IGSF22: variants seen among roughly 807,000 people sequenced by gnomAD.
IGSF22 encodes the protein immunoglobulin superfamily, member 22.
IGSF22 carries 119 observed loss-of-function variants against 127.0 expected under a neutral mutation model. The observed-to-expected ratio is 0.94, with a 90% CI of 0.81 to 1.09. The LOEUF is 1.09. Ranked by LOEUF, IGSF22 falls within the 50% of genes least tolerant of loss-of-function variation. IGSF22 has a pLI of 0.00. For missense variants in IGSF22, 1,518 were observed against 1,716.6 expected (o/e 0.88, Z 2.04); for synonymous variants, 568 against 664.7 (o/e 0.85, Z 2.24).
intron 11 of IGSF22, 118 bp downstream of exon 11, chr11:18,715,314 G>T: frequency 1.0e-6 from 1 of 990,412 alleles, no homozygotes; most frequent in Non-Finnish European, 1.5e-6. Flanking sequence ...GGAGACACAA[G>T]TTGGTCATGG....
chr11:18,718,485 C>A, intron 8 of IGSF22, 130 bp downstream of exon 8: 1 of 718,800 alleles, frequency 1.4e-6, no homozygotes, highest in South Asian at 1.5e-5. Flanking sequence ...CCAATTCCAG[C>A]CTCTTTCAAC....
rs551037930 is a variant in IGSF22 at position 18,705,743 on chromosome 11, T to C, written c.3910+74A>G. On this transcript the variant is annotated intron_variant, in intron 22 of 22. Coordinates refer to ENST00000513874, the MANE Select transcript of IGSF22 (RefSeq NM_173588.4). ...TTAAAAAACGGTGCCAGCCAAATAG[T>C]TGACCAATGGCCCACAAGACCAGCC... 1.6e-5 allele frequency: 21 copies of C among 1,343,108 alleles called. 1 individual carries two copies. Among genetic ancestry groups the C allele is most frequent in the Middle Eastern group, 2.6e-4 (1 of 3,812 alleles). The allele number at this position is 1,343,108 out of a possible 1,614,324, so 83.2% of individuals were successfully genotyped here. A position where few individuals can be genotyped will look rare whatever the true frequency, so the allele number is the denominator to read the frequency against.
rs1233213620 is a variant in IGSF22 at position 18,705,919 on chromosome 11, G to A, written c.3808C>T (p.Leu1270Phe). ...TTGAGCGTGCAGGTGGGGATGACGA[G>A]GGTGCACACGCCGCTGGTGGAGTTG... Reference protein sequence around the residue: ...WYNSTSGVCTLVIPTCTLKDS... With the variant: ...WYNSTSGVCTFVIPTCTLKDS... The change falls in exon 22 of 23, where the codon CTC (leucine) becomes TTC (phenylalanine). Residue 1270 changes from leucine (L) to phenylalanine (F), a missense_variant. Around this residue, in one of 3 missense-constraint regions of IGSF22, gnomAD observed 1,456 missense variants for 1,644.9 expected, o/e 0.89. Coordinates refer to ENST00000513874, the MANE Select transcript of IGSF22 (RefSeq NM_173588.4). 4 of 1,551,732 alleles carry A rather than the reference G, an allele frequency of 2.6e-6. No homozygotes were observed. Among genetic ancestry groups the A allele is most frequent in the Non-Finnish European group, 2.6e-6 (3 of 1,147,000 alleles).
chr11:18,717,028 A>C (rs61886892), intron 9 of IGSF22, 28 bp from the exon 10 acceptor site: 406,673 of 1,609,248 alleles, frequency 0.25, 53,958 homozygotes, highest in Middle Eastern at 0.38. Flanking sequence ...AGTGGTAGTC[A>C]TTGGGCTGGT....
intron 21 of IGSF22, 127 bp downstream of exon 21, chr11:18,706,787 A>G: frequency 2.7e-6 from 2 of 738,832 alleles, no homozygotes; most frequent in Admixed American, 3.5e-5. Context: ...AGCGTCCCAG[A>G]TATTAACCGT....
In IGSF22 at chr11:18,706,134, C is replaced by A; in HGVS notation, c.3593G>T (p.Ser1198Ile). The A allele has an allele frequency of 6.5e-7, 1 of 1,541,550 alleles. No individual in the cohort carries two copies. Among genetic ancestry groups the A allele is most frequent in the Non-Finnish European group, 8.7e-7 (1 of 1,146,490 alleles). Residue 1198 changes from serine to isoleucine, a missense_variant, in exon 22 of 23, where the codon AGC becomes ATC. Transcript: ENST00000513874. ...CTTCTCGTAGGGCTTGAGCTTGGCGCTCAGGTCCTGGACTGCGCGGGCGGG... is the reference window on the plus strand; with the variant it reads ...CTTCTCGTAGGGCTTGAGCTTGGCGATCAGGTCCTGGACTGCGCGGGCGGG... ...LINKDQIQDL[S>I]AKLKPYEKKD...
chr11:18,707,734 G>A lies in IGSF22; in HGVS notation c.3280+70C>T, dbSNP rs551837977. 1.5e-4 allele frequency: 197 copies of A among 1,321,356 alleles called. 2 individuals are homozygous for A. In the South Asian group the frequency reaches 2.3e-3, roughly 15 times the overall value. The allele number at this position is 1,321,356 out of a possible 1,614,324, so 81.9% of individuals were successfully genotyped here. A position where few individuals can be genotyped will look rare whatever the true frequency, so the allele number is the denominator to read the frequency against. ...ACTTTCCTGTGGTAGGAACTCAAGC[G>A]GCACTGGGGAGCTGTGCTTTGGAGA... On this transcript the variant is annotated intron_variant, in intron 20 of 22. Transcript: ENST00000513874.
chr11:18,724,362 G>C (rs983003703), intron 1 of IGSF22, 93 bp from the exon 2 acceptor site: 1 of 652,696 alleles, frequency 1.5e-6, no homozygotes, highest in South Asian at 1.9e-5. Flanking sequence ...AGAGGAGATG[G>C]AAGCACACAG....
intron 9 of IGSF22, 58 bp downstream of exon 9, chr11:18,717,873 A>G: frequency 8.2e-6 from 13 of 1,576,034 alleles, no homozygotes; most frequent in Non-Finnish European, 1.1e-5. Context: ...AACCCTGGCC[A>G]TTCCTCTCTT....
rs1564870498 is a variant in IGSF22 at position 18,712,215 on chromosome 11, G to A, written c.2265C>T (p.Asp755=). ...TGGTGGAGAAGTTGGTGACTTTGCC[G>A]TCCACCTCGCCTATCTTAATCCAGG... The part of the protein sequence containing the change: ...KKSWIKIGEV[D]GKVTNFSTNK... The change falls in exon 15 of 23, where the codon GAC becomes GAT. Residue 755 remains aspartate (D), a synonymous_variant. Coordinates refer to ENST00000513874, the MANE Select transcript of IGSF22 (RefSeq NM_173588.4). The A allele has an allele frequency of 1.4e-5, 21 of 1,551,670 alleles. No individual in the cohort carries two copies. Among genetic ancestry groups the A allele is most frequent in the Non-Finnish European group, 1.6e-5 (18 of 1,146,984 alleles).
Position 18,714,141 on chromosome 11 carries a change from A to T in IGSF22, c.1806T>A (p.Pro602=). The T allele has an allele frequency of 6.2e-7, 1 of 1,610,046 alleles. No homozygotes were observed. Residue 602 remains proline, a synonymous_variant, in exon 14 of 23, where the codon CCT becomes CCA. Coordinates refer to ENST00000513874, the MANE Select transcript of IGSF22 (RefSeq NM_173588.4). ...CCTCCAGTACTGACGGGTCGATGGT[A>T]GGAGGATCTGTGGGGCGGGGCGGCA... is the stretch of plus-strand genomic sequence containing the variant. ...SEASVFIADP[P]TIDPSVLEAL... is the part of the protein sequence containing the mutation.
chr11:18,710,697 C>CT lies in IGSF22; in HGVS notation c.2529dup (p.Gly844ArgfsTer30), dbSNP rs1564869701. On this transcript the variant is annotated frameshift_variant, in exon 16 of 23. Coordinates refer to ENST00000513874, the MANE Select transcript of IGSF22 (RefSeq NM_173588.4). LOFTEE classifies it high-confidence loss of function. ...TTGACTGGCACCCACAGGTTGCTGC[C>CT]TTTCTTCCTTCGTTCTACAATGTAG... The CT allele has an allele frequency of 6.2e-7, 1 of 1,613,986 alleles. No individual in the cohort carries two copies. The highest frequency in any genetic ancestry group is 1.1e-5 in the South Asian group (1 of 91,082).
intron 2 of IGSF22, 113 bp downstream of exon 2, chr11:18,724,015 A>G (rs867837356): frequency 8.6e-5 from 62 of 723,818 alleles, no homozygotes; most frequent in Middle Eastern, 4.0e-4. Context: ...TGCTGTTGGT[A>G]TTGTGGGCTC....
At chr11:18,706,459 G>T in intron 21 of IGSF22, 1 of 447,328 alleles carries the variant, frequency 2.2e-6, no homozygotes. Flanking sequence ...CTTTAACTCC[G>T]CCTCCAAGCT....
chr11:18,705,763 C>A (rs1185854242), intron 22 of IGSF22, 54 bp downstream of exon 22: 11 of 1,458,406 alleles, frequency 7.5e-6, no homozygotes, highest in Non-Finnish European at 9.2e-6. Context: ...GCCCACAAGA[C>A]CAGCCTTTTG....
intron 2 of IGSF22, among the ~76,000 whole-genome samples, chr11:18,723,452 C>G (rs1019358657): frequency 6.6e-6 from 1 of 152,314 alleles, no homozygotes; most frequent in East Asian, 1.9e-4. Flanking sequence ...CCTCTGTGCA[C>G]GGAGGACTTT....
Position 18,719,809 on chromosome 11 carries a change from T to G in IGSF22, c.603A>C (p.Lys201Asn), listed in dbSNP as rs763225927. 6.2e-7 allele frequency: 1 copy of G among 1,614,176 alleles called. No homozygotes were observed. Among genetic ancestry groups the G allele is most frequent in the Non-Finnish European group, 8.5e-7 (1 of 1,180,028 alleles). Reference protein sequence around the residue: ...MLEILSKVPKKDFEKVCMEYG... With the variant: ...MLEILSKVPKNDFEKVCMEYG... ...ACTCCATGCACACCTTCTCAAAGTC[T>G]TTCTTGGGCACTTTGGACAAAATCT... The change falls in exon 7 of 23, where the codon AAA becomes AAC. Residue 201 changes from lysine (K) to asparagine (N), a missense_variant. By Grantham distance (94) the Lys-to-Asn change is moderately conservative. This residue lies in a region of IGSF22 where 1,456 missense variants were observed against 1,644.9 expected (regional missense o/e 0.89). Transcript: ENST00000513874.
chr11:18,720,161 G>A (rs1348315010), intron 5 of IGSF22, 25 bp downstream of exon 5: 1 of 1,613,848 alleles, frequency 6.2e-7, no homozygotes, highest in East Asian at 2.2e-5. Flanking sequence ...TAAGAAGAAA[G>A]GCCAAGAGGA....
At chr11:18,720,007 A>G in intron 6 of IGSF22, 57 bp downstream of exon 6, 3 of 1,611,674 alleles carry the variant, frequency 1.9e-6, no homozygotes, top group Non-Finnish European at 8.5e-7. Flanking sequence ...GGCCTTTGAG[A>G]GGCTTTGGCC....
Sources: allele counts gnomAD v4.1 joint callset (sites outside exome capture counted in the v4.1 genomes callset), GRCh38; gene constraint gnomAD v4.1.1; regional missense constraint gnomAD v4.1.1; transcripts MANE v1.5; gene names NCBI Gene and HGNC (gene_info 2026-07-23, HGNC 2026-07-21).